Variants in OC90 observed in about 807,000 individuals in gnomAD.
OC90 encodes the protein otoconin-90.
A neutral mutation model predicts 47.3 loss-of-function variants in OC90; 46 were observed. That is an observed-to-expected ratio of 0.97 (90% confidence interval 0.77 to 1.24). The LOEUF is 1.24. Among genes scored for constraint, OC90 ranks in the 50% most tolerant of loss-of-function variants. OC90 has a pLI of 0.00. For synonymous variants in OC90, 271 were observed against 219.5 expected (o/e 1.23, Z -2.07); for missense variants, 688 against 583.9 (o/e 1.18, Z -1.84).
intron 1 of OC90, among the ~76,000 whole-genome samples, chr8:132,058,286 G>A (rs1021248158): frequency 4.6e-5 from 7 of 152,162 alleles, no homozygotes; most frequent in East Asian, 1.9e-4. Flanking sequence ...CAAGTCAGGC[G>A]CCCTTGGCTG....
chr8:132,055,139 AC>A, intron 1 of OC90, 66 bp from the exon 2 acceptor site: 3 of 857,974 alleles, frequency 3.5e-6, no homozygotes, highest in Non-Finnish European at 3.7e-6. Context: ...AACCCATGGG[AC>A]CCCCATGTCC....
chr8:132,039,634 C>T (rs144339930), intron 6 of OC90, among the ~76,000 whole-genome samples: 3 of 152,126 alleles, frequency 2.0e-5, no homozygotes, highest in Non-Finnish European at 2.9e-5. Context: ...CCCTGACCCA[C>T]GACCCCTATT....
At chr8:132,055,149 C>A (rs968354920) in intron 1 of OC90, 76 bp from the exon 2 acceptor site, 8 of 769,292 alleles carry the variant, frequency 1.0e-5, no homozygotes, top group Non-Finnish European at 1.7e-5. Flanking sequence ...ACCCCCATGT[C>A]CTTTCTTGGT....
chr8:132,054,933 G>A, intron 2 of OC90, 48 bp downstream of exon 2: 1 of 1,396,970 alleles, frequency 7.2e-7, no homozygotes, highest in Non-Finnish European at 9.8e-7. Flanking sequence ...TTCAAATGAA[G>A]TAATTACATG....
chr8:132,053,887 G>C (rs1250889888), intron 2 of OC90, among the ~76,000 whole-genome samples: 2 of 152,226 alleles, frequency 1.3e-5, no homozygotes, highest in African/African-American at 4.8e-5. Context: ...AAGCACAGCA[G>C]TCACCCTGGC....
At chr8:132,044,379 G>A (rs896465382) in intron 4 of OC90, 54 bp downstream of exon 4, 1 of 991,444 alleles carries the variant, frequency 1.0e-6, no homozygotes, top group South Asian at 1.4e-5. Context: ...CCTTAGATTT[G>A]TCCACACATG....
intron 2 of OC90, among the ~76,000 whole-genome samples, chr8:132,046,136 G>T (rs1823130498): frequency 6.6e-6 from 1 of 152,166 alleles, no homozygotes; most frequent in Non-Finnish European, 1.5e-5. Context: ...GGATGGAGAG[G>T]TTGGGAGACT....
chr8:132,040,938 T>A, intron 6 of OC90, 106 bp downstream of exon 6: 7 of 728,598 alleles, frequency 9.6e-6, no homozygotes, highest in Admixed American at 4.0e-5. Flanking sequence ...CTGCCAGTGG[T>A]GACGATGATG....
At chr8:132,044,597 GA>G in intron 3 of OC90, 108 bp from the exon 4 acceptor site, 1 of 673,164 alleles carries the variant, frequency 1.5e-6, no homozygotes, top group Non-Finnish European at 2.6e-6. Flanking sequence ...ATTCTCCAAA[GA>G]AAAAATTGAC....
chr8:132,046,043 T>C lies in OC90; in HGVS notation c.47-160A>G, dbSNP rs544222157. ...CCTGCTATGCACTAGATTTAGGAGG[T>C]AGTTCCTGAAGGAAATAAGGGGATG... is the stretch of plus-strand genomic sequence containing the variant. On this transcript the variant is annotated intron_variant, in intron 2 of 13. Coordinates refer to ENST00000254627, the MANE Select transcript of OC90 (RefSeq NM_001080399.3). Among the ~76,000 whole-genome samples the C allele has an allele frequency of 1.1e-4, 16 of 152,246 alleles. No homozygotes were observed. In the South Asian group the frequency reaches 2.9e-3, roughly 28 times the overall value.
intron 10 of OC90, 80 bp downstream of exon 10, chr8:132,034,701 C>A: frequency 1.0e-6 from 1 of 962,092 alleles, no homozygotes; most frequent in South Asian, 1.5e-5. Context: ...ATTTGGAACC[C>A]AGTTGATATC....
intron 4 of OC90, among the ~76,000 whole-genome samples, chr8:132,042,206 A>C (rs981598864): frequency 1.3e-5 from 2 of 152,168 alleles, no homozygotes; most frequent in Admixed American, 1.3e-4. Context: ...ACCACATTAT[A>C]ATCAGGAGGC....
At chr8:132,036,788 G>A (rs7465374) in intron 9 of OC90, among the ~76,000 whole-genome samples, 111,751 of 152,228 alleles carry the variant, frequency 0.73, 41,236 homozygotes, top group East Asian at 0.77. Flanking sequence ...TCTGAATCTC[G>A]ATCACCTGTC....
At position 132,033,132 on chromosome 8, in the gene OC90, CT is replaced by C. The variant is rs746506753; in HGVS notation, c.765del (p.Ala256LeufsTer4). Reference sequence around the variant, plus strand: ...GCAGGGACAAGGGTTACAATTTTAGCTGTAACCCTTGTTGCAACTATCTCTG... The same window carrying C: ...GCAGGGACAAGGGTTACAATTTTAGCGTAACCCTTGTTGCAACTATCTCTG... ...GSAEIVATRV[T>X]AKIVTLVPAG... is the part of the protein sequence containing the mutation. On this transcript the variant is annotated frameshift_variant, in exon 11 of 14. Transcript: ENST00000254627. LOFTEE classifies it high-confidence loss of function. 11 of 1,606,820 alleles carry C rather than the reference CT, an allele frequency of 6.8e-6. No homozygotes were observed. The highest frequency in any genetic ancestry group is 6.8e-5 in the Admixed American group (4 of 59,100).
intron 2 of OC90, chr8:132,049,941 T>C (rs1220508668): frequency 2.1e-6 from 1 of 471,000 alleles, no homozygotes; most frequent in African/African-American, 2.0e-5. Context: ...GTCATTAGCA[T>C]TTTCTGTTGC....
chr8:132,038,720 T>C, intron 8 of OC90, 70 bp downstream of exon 8: 2 of 1,210,840 alleles, frequency 1.7e-6, no homozygotes, highest in Non-Finnish European at 1.2e-6. Flanking sequence ...GTGGAGGAGG[T>C]GTATCCACCG....
Position 132,053,831 on chromosome 8 carries a change from C to T in OC90, c.46+1150G>A, listed in dbSNP as rs149381371. 3.3e-3 allele frequency among the ~76,000 whole-genome samples: 496 copies of T among 152,312 alleles called. 10 individuals are homozygous for T. The South Asian group carries it at 0.053, about 16-fold the overall frequency. ...ATGTGGCCACCATCCCACTGGCTGACGCCTGCCCTTGGAAGTCACAAGGCA... is the reference window on the plus strand; with the variant it reads ...ATGTGGCCACCATCCCACTGGCTGATGCCTGCCCTTGGAAGTCACAAGGCA... On this transcript the variant is annotated intron_variant, in intron 2 of 13. Coordinates refer to ENST00000254627, the MANE Select transcript of OC90 (RefSeq NM_001080399.3).
chr8:132,051,911 A>G (rs779911150), intron 2 of OC90, among the ~76,000 whole-genome samples: 8 of 152,234 alleles, frequency 5.3e-5, no homozygotes, highest in Non-Finnish European at 1.2e-4. Context: ...TTTTTTTGAA[A>G]TGTTAATTTT....
intron 1 of OC90, among the ~76,000 whole-genome samples, chr8:132,057,232 A>G (rs544065745): frequency 9.9e-5 from 15 of 152,258 alleles, no homozygotes; most frequent in African/African-American, 3.4e-4. Flanking sequence ...CTGTTCCCTA[A>G]TCCCCTGTAA....
Sources: gnomAD v4.1 joint callset for allele counts (sites outside exome capture counted in the v4.1 genomes callset) on GRCh38, gnomAD v4.1.1 for gene constraint, MANE v1.5 for transcripts, NCBI Gene and HGNC (gene_info 2026-07-23, HGNC 2026-07-21) for gene names.